SPATS2L: variants seen among roughly 807,000 people sequenced by gnomAD.
SPATS2L encodes the protein spermatogenesis associated serine rich 2 like.
Under a neutral mutation model 59.6 loss-of-function variants are expected in SPATS2L, and 30 were observed. That is an observed-to-expected ratio of 0.50 (90% confidence interval 0.38 to 0.68). The LOEUF (loss-of-function observed/expected upper bound fraction) is 0.68. SPATS2L is among the 30% of genes least tolerant of loss of function. The probability of loss-of-function intolerance (pLI) is 0.00; values close to 1 mark genes in which losing one functional copy is unlikely to be tolerated. For synonymous variants in SPATS2L, 252 were observed against 263.5 expected, an observed-to-expected ratio of 0.96 and a Z score of 0.42; for missense variants, 615 against 700.0, an observed-to-expected ratio of 0.88 and a Z score of 1.37.
chr2:200,370,125 T>A (rs1185388852), intron 2 of SPATS2L, among the ~76,000 whole-genome samples: 1 of 152,196 alleles, frequency 6.6e-6, no homozygotes, highest in Non-Finnish European at 1.5e-5. Context: ...TCTGTGAGAA[T>A]GGCAAAGAAT....
At chr2:200,390,548 G>C (rs1574364445) in intron 3 of SPATS2L, 1 of 152,594 alleles carries the variant, frequency 6.6e-6, no homozygotes, top group East Asian at 1.9e-4. Flanking sequence ...ACAAAGATCT[G>C]AGGACAGAGA....
At chr2:200,393,803 G>A (rs2082244830) in intron 3 of SPATS2L, among the ~76,000 whole-genome samples, 1 of 152,176 alleles carries the variant, frequency 6.6e-6, no homozygotes, top group African/African-American at 2.4e-5. Flanking sequence ...CAACTGTTAT[G>A]TCTTAGATTA....
intron 2 of SPATS2L, among the ~76,000 whole-genome samples, chr2:200,357,207 T>C (rs1003554880): frequency 1.3e-5 from 2 of 152,198 alleles, no homozygotes; most frequent in African/African-American, 4.8e-5. Flanking sequence ...TGGGGCCAGA[T>C]TTTTTTGGAC....
At chr2:200,356,055 C>T (rs2080903478) in intron 2 of SPATS2L, among the ~76,000 whole-genome samples, 1 of 152,156 alleles carries the variant, frequency 6.6e-6, no homozygotes. Flanking sequence ...TTCCTGTTTA[C>T]AAGTCAAAGC....
chr2:200,441,160 TAAG>T (rs1173367062), intron 8 of SPATS2L, among the ~76,000 whole-genome samples: 3 of 152,080 alleles, frequency 2.0e-5, no homozygotes, highest in South Asian at 2.1e-4. Context: ...AATTATAAAA[TAAG>T]AAGAATTCCC....
In SPATS2L at chr2:200,439,955, G is replaced by T. The variant is rs73986898; in HGVS notation, c.652+627G>T. On this transcript the variant is annotated intron_variant, in intron 7 of 12. Coordinates refer to ENST00000409140, the MANE Select transcript of SPATS2L (RefSeq NM_001100423.2). Reference sequence around the variant, plus strand: ...ATACTATTCTTTTCATTCAGCCTCAGTTGTATCTGATTTCCTTGGCTTTGG... The same window carrying T: ...ATACTATTCTTTTCATTCAGCCTCATTTGTATCTGATTTCCTTGGCTTTGG... Among the ~76,000 whole-genome samples, 657 of 152,304 alleles carry T rather than the reference G, an allele frequency of 4.3e-3. 5 individuals are homozygous for T. Among genetic ancestry groups the T allele is most frequent in the African/African-American group, 0.015 (610 of 41,570 alleles).
intron 1 of SPATS2L, among the ~76,000 whole-genome samples, chr2:200,328,709 CAT>C (rs775051692): frequency 1.5e-3 from 232 of 152,288 alleles, no homozygotes; most frequent in Non-Finnish European, 1.6e-3. Context: ...GCATTAGAGA[CAT>C]AGGCATTATT....
chr2:200,446,830 T>C (rs2085079879), intron 8 of SPATS2L, among the ~76,000 whole-genome samples: 2 of 152,236 alleles, frequency 1.3e-5, no homozygotes, highest in South Asian at 4.1e-4. Context: ...TGTCTTCTCA[T>C]TTCATAACAG....
chr2:200,405,813 T>C (rs1324302891), intron 3 of SPATS2L, among the ~76,000 whole-genome samples: 3 of 152,166 alleles, frequency 2.0e-5, no homozygotes, highest in Non-Finnish European at 4.4e-5. Context: ...GCTGTCCTTA[T>C]CATAGGGGAT....
chr2:200,366,186 C>A (rs1266800792), intron 2 of SPATS2L, among the ~76,000 whole-genome samples: 1 of 152,192 alleles, frequency 6.6e-6, no homozygotes, highest in African/African-American at 2.4e-5. Context: ...TCATATCTTG[C>A]AAAGTACAAG....
chr2:200,351,000 A>G (rs891917421), intron 2 of SPATS2L, among the ~76,000 whole-genome samples: 5 of 152,286 alleles, frequency 3.3e-5, no homozygotes, highest in Middle Eastern at 3.4e-3. Context: ...AGATCACACC[A>G]TATGTTCAGT....
intron 6 of SPATS2L, among the ~76,000 whole-genome samples, chr2:200,435,362 G>T (rs553972571): frequency 6.6e-6 from 1 of 152,256 alleles, no homozygotes; most frequent in South Asian, 2.1e-4. Flanking sequence ...CATGGACAAG[G>T]ATTAAATTAA....
At chr2:200,459,436 T>G (rs186690678) in intron 8 of SPATS2L, among the ~76,000 whole-genome samples, 1 of 152,166 alleles carries the variant, frequency 6.6e-6, no homozygotes. Context: ...CAAATACTTA[T>G]TATATTGTTT....
chr2:200,312,103 A>G (rs1287493121), intron 1 of SPATS2L, among the ~76,000 whole-genome samples: 1 of 152,206 alleles, frequency 6.6e-6, no homozygotes, highest in Non-Finnish European at 1.5e-5. Context: ...CAGTAATTAC[A>G]TGTGGTGCCA....
chr2:200,439,373 A>G (rs1254595101), intron 7 of SPATS2L, 45 bp downstream of exon 7: 1 of 1,537,948 alleles, frequency 6.5e-7, no homozygotes, highest in Non-Finnish European at 9.0e-7. Flanking sequence ...TATTTTGCAC[A>G]TACAGAAAAG....
At chr2:200,382,824 A>G (rs2081867611) in intron 2 of SPATS2L, among the ~76,000 whole-genome samples, 1 of 152,212 alleles carries the variant, frequency 6.6e-6, no homozygotes, top group Non-Finnish European at 1.5e-5. Flanking sequence ...GGTACGTTAT[A>G]AGTTCTCCAG....
At chr2:200,415,031 T>A (rs1401505928) in intron 4 of SPATS2L, among the ~76,000 whole-genome samples, 1 of 152,228 alleles carries the variant, frequency 6.6e-6, no homozygotes, top group Non-Finnish European at 1.5e-5. Flanking sequence ...CCCTAATTAT[T>A]ATTAACCAAG....
rs150635390 is a variant in SPATS2L, at chr2:200,427,605, T to C, written c.445+8109T>C. ...AATGTAAATAAAACTAAAGATGTTA[T>C]TCCAGTCAGAAAGTTACCACCTTTA... is the stretch of plus-strand genomic sequence containing the variant. On this transcript the variant is annotated intron_variant, in intron 6 of 12. Transcript: ENST00000409140. Among the ~76,000 whole-genome samples, 4 of 151,534 alleles carry C rather than the reference T, an allele frequency of 2.6e-5. No homozygotes were observed. The East Asian group carries it at 7.7e-4, about 29-fold the overall frequency.
chr2:200,442,820 A>G (rs2084786013), intron 8 of SPATS2L, among the ~76,000 whole-genome samples: 3 of 152,204 alleles, frequency 2.0e-5, no homozygotes, highest in Admixed American at 2.0e-4. Context: ...CAGGAAAGTC[A>G]ACACCCAAGG....
Sources: allele counts gnomAD v4.1 joint callset (sites outside exome capture counted in the v4.1 genomes callset), GRCh38; gene constraint gnomAD v4.1.1; transcripts MANE v1.5; gene names NCBI Gene and HGNC (gene_info 2026-07-23, HGNC 2026-07-21).